SBF2: variants seen among roughly 807,000 people sequenced by gnomAD.
The protein encoded by SBF2 is SET binding factor 2, also known as myotubularin-related protein 13.
Under a neutral mutation model 225.2 loss-of-function variants are expected in SBF2, and 112 were observed. That is an observed-to-expected ratio of 0.50 (90% CI 0.43 to 0.58). The LOEUF is 0.58. Ranked by LOEUF, SBF2 falls within the 20% of genes least tolerant of loss-of-function variation. The probability of loss-of-function intolerance (pLI) is 0.00; values close to 1 mark genes in which losing one functional copy is unlikely to be tolerated. For missense variants in SBF2, 1,996 were observed against 2,206.2 expected, an observed-to-expected ratio of 0.90 and a Z score of 1.91; for synonymous variants, 763 against 773.3, an observed-to-expected ratio of 0.99 and a Z score of 0.22.
intron 16 of SBF2, among the ~76,000 whole-genome samples, chr11:9,927,558 TAAAATAAAAAATTAAATAAA>T (rs1422911594): frequency 6.6e-6 from 1 of 151,966 alleles, no homozygotes; most frequent in African/African-American, 2.4e-5. Context: ...CTGTCTCTAA[TAAAATAAAAAATTAAATAAA>T]AAAATAAAAA....
chr11:9,896,804 G>T (rs1861301359), intron 16 of SBF2, among the ~76,000 whole-genome samples: 1 of 151,484 alleles, frequency 6.6e-6, no homozygotes, highest in Non-Finnish European at 1.5e-5. Context: ...AAAAAAAAGG[G>T]GGGTGGGGCG....
chr11:9,885,011 G>T (rs1008200329), intron 17 of SBF2, among the ~76,000 whole-genome samples: 4 of 152,000 alleles, frequency 2.6e-5, no homozygotes, highest in African/African-American at 9.7e-5. Context: ...AGCACTTTGG[G>T]AGACTGAGGC....
chr11:10,035,989 T>C (rs1456635122), intron 3 of SBF2, among the ~76,000 whole-genome samples: 1 of 152,166 alleles, frequency 6.6e-6, no homozygotes, highest in African/African-American at 2.4e-5. Flanking sequence ...CTATTCACAA[T>C]AGGAAAGACT....
chr11:10,274,080 C>A (rs575394350), intron 1 of SBF2, among the ~76,000 whole-genome samples: 1 of 152,312 alleles, frequency 6.6e-6, no homozygotes, highest in South Asian at 2.1e-4. Context: ...TTCACTGCTG[C>A]AGCTTTGCCT....
chr11:10,072,302 T>C (rs1182909005), intron 2 of SBF2, among the ~76,000 whole-genome samples: 1 of 152,144 alleles, frequency 6.6e-6, no homozygotes, highest in Non-Finnish European at 1.5e-5. Flanking sequence ...ACATGACTCA[T>C]ATCAAGGATT....
intron 17 of SBF2, among the ~76,000 whole-genome samples, chr11:9,894,387 C>T (rs1861074053): frequency 4.0e-5 from 6 of 151,846 alleles, no homozygotes; most frequent in Admixed American, 1.3e-4. Context: ...TGTGGTGGCA[C>T]GTGCCTGTAG....
At chr11:10,265,498 G>A (rs112788243) in intron 1 of SBF2, among the ~76,000 whole-genome samples, 6 of 111,614 alleles carry the variant, frequency 5.4e-5, no homozygotes, top group South Asian at 7.5e-4. Flanking sequence ...GAAATCGGGG[G>A]GGGGGAGAGG....
At chr11:10,136,125 C>T (rs1049624402) in intron 2 of SBF2, among the ~76,000 whole-genome samples, 8 of 152,068 alleles carry the variant, frequency 5.3e-5, no homozygotes, top group African/African-American at 1.7e-4. Flanking sequence ...AGGGAAATTC[C>T]CCTTTATAAC....
chr11:10,002,976 GT>G (rs1184239002), intron 6 of SBF2, among the ~76,000 whole-genome samples: 1 of 152,154 alleles, frequency 6.6e-6, no homozygotes, highest in East Asian at 1.9e-4. Flanking sequence ...TTAGGTTCCT[GT>G]TTTAGAATGC....
At position 10,103,965 on chromosome 11, in the gene SBF2, C is replaced by A. The variant is rs909842933; in HGVS notation, c.142-60984G>T. Among the ~76,000 whole-genome samples the A allele has an allele frequency of 2.6e-5, 4 of 152,116 alleles. No homozygotes were observed. The South Asian group carries it at 8.3e-4, about 32-fold the overall frequency. Reference sequence around the variant, plus strand: ...AAGCATGGTGATGCACACCTGGAGTCCACCCTACTCAGGAGGCTTAGGTGA... The same window carrying A: ...AAGCATGGTGATGCACACCTGGAGTACACCCTACTCAGGAGGCTTAGGTGA... On this transcript the variant is annotated intron_variant, in intron 2 of 39. Coordinates refer to ENST00000256190, the MANE Select transcript of SBF2 (RefSeq NM_030962.4).
In SBF2 at chr11:9,785,228, T is replaced by C; in HGVS notation, c.5128A>G (p.Ser1710Gly). ...CTGGAATTCTGTTCCTCCCCCATGC[T>C]GCTGTCTGGGAGATGTAGCAGAGAC... is the stretch of plus-strand genomic sequence containing the variant. ...KRSLLHLPDSSMGEEQNSSIS... is the reference protein window; with the variant it reads ...KRSLLHLPDSGMGEEQNSSIS... Residue 1710 changes from serine (S) to glycine (G), a missense_variant, in exon 37 of 40, where the codon AGC (serine) becomes GGC (glycine). Ser to Gly is a moderately conservative substitution (Grantham distance 56). Coordinates refer to ENST00000256190, the MANE Select transcript of SBF2 (RefSeq NM_030962.4). The C allele has an allele frequency of 6.2e-7, 1 of 1,614,028 alleles. No homozygotes were observed. The highest frequency in any genetic ancestry group is 8.5e-7 in the Non-Finnish European group (1 of 1,179,872).
At chr11:10,078,334 G>C (rs1343526437) in intron 2 of SBF2, among the ~76,000 whole-genome samples, 2 of 152,166 alleles carry the variant, frequency 1.3e-5, no homozygotes, top group Admixed American at 1.3e-4. Flanking sequence ...GAACACATAT[G>C]TTTACTGTAG....
At chr11:9,890,164 C>A (rs571014257) in intron 17 of SBF2, among the ~76,000 whole-genome samples, 1 of 152,164 alleles carries the variant, frequency 6.6e-6, no homozygotes, top group Non-Finnish European at 1.5e-5. Flanking sequence ...CTCGGCCTCC[C>A]GAAGTGCTGG....
At position 9,955,116 on chromosome 11, in the gene SBF2, T is replaced by G. The variant is rs532710501; in HGVS notation, c.1860+6841A>C. ...AAAAAACTGAGGACTTTTTTCAAATTATAAAAGTAATACATGCTTGTTATA... is the reference window on the plus strand; with the variant it reads ...AAAAAACTGAGGACTTTTTTCAAATGATAAAAGTAATACATGCTTGTTATA... On this transcript the variant is annotated intron_variant, in intron 16 of 39. Coordinates refer to ENST00000256190, the MANE Select transcript of SBF2 (RefSeq NM_030962.4). Among the ~76,000 whole-genome samples the G allele has an allele frequency of 6.6e-5, 10 of 152,136 alleles. No homozygotes were observed. In the South Asian group the frequency reaches 2.1e-3, roughly 32 times the overall value.
At chr11:10,269,230 T>C (rs930936692) in intron 1 of SBF2, among the ~76,000 whole-genome samples, 1 of 152,222 alleles carries the variant, frequency 6.6e-6, no homozygotes, top group Admixed American at 6.5e-5. Context: ...CCTCAGCTTG[T>C]GTTCAATACT....
chr11:9,801,821 A>G (rs370308211), intron 32 of SBF2, among the ~76,000 whole-genome samples: 7 of 152,374 alleles, frequency 4.6e-5, no homozygotes, highest in East Asian at 1.9e-4. Context: ...TATTTTGCCA[A>G]TATTACTGGA....
chr11:9,915,190 T>A lies in SBF2; in HGVS notation c.1861-19179A>T, dbSNP rs1025801397. On this transcript the variant is annotated intron_variant, in intron 16 of 39. Transcript: ENST00000256190. The stretch of plus-strand genomic sequence containing the variant: ...AAGGCCGGGTGCAGTGGCTCACGCC[T>A]GTAATCCCAGCACTTTGGGAGGCCG... Among the ~76,000 whole-genome samples, 10 of 152,126 alleles carry A rather than the reference T, an allele frequency of 6.6e-5. 1 individual carries two copies. The highest frequency in any genetic ancestry group is 6.5e-4 in the Admixed American group (10 of 15,272).
intron 16 of SBF2, among the ~76,000 whole-genome samples, chr11:9,904,427 T>G (rs1861964400): frequency 6.6e-6 from 1 of 152,142 alleles, no homozygotes; most frequent in Admixed American, 6.5e-5. Flanking sequence ...TATATAAACC[T>G]AATAACTTAG....
chr11:10,139,308 G>T (rs1954534618), intron 2 of SBF2, among the ~76,000 whole-genome samples: 1 of 152,154 alleles, frequency 6.6e-6, no homozygotes, highest in Non-Finnish European at 1.5e-5. Context: ...CAGGCATATT[G>T]TAGAGTCTCC....
Sources: gnomAD v4.1 joint callset for allele counts (sites outside exome capture counted in the v4.1 genomes callset) on GRCh38, gnomAD v4.1.1 for gene constraint, MANE v1.5 for transcripts, NCBI Gene and HGNC (gene_info 2026-07-23, HGNC 2026-07-21) for gene names.